The following ZNF133 variants were observed in gnomAD, a reference collection of about 807,000 sequenced individuals.
The protein encoded by ZNF133 is zinc finger protein 133 (clone pHZ-13).
ZNF133 carries 26 observed loss-of-function variants against 54.9 expected under a neutral mutation model. That is an observed-to-expected ratio of 0.47 (90% confidence interval 0.35 to 0.66). The LOEUF (loss-of-function observed/expected upper bound fraction) is 0.66. Ranked by LOEUF, ZNF133 falls within the 30% of genes least tolerant of loss-of-function variation. The pLI is 0.01. For synonymous variants in ZNF133, 298 were observed against 320.3 expected (o/e 0.93, Z 0.74); for missense variants, 653 against 820.8 (o/e 0.80, Z 2.50).
At chr20:18,304,816 TA>T (rs1448523025) in intron 3 of ZNF133, among the ~76,000 whole-genome samples, 191 bp from the exon 4 acceptor site, 1 of 152,150 alleles carries the variant, frequency 6.6e-6, no homozygotes, top group Non-Finnish European at 1.5e-5. Context: ...AGGTGGCTTT[TA>T]TTCCTCCTAG....
intron 6 of ZNF133, chr20:18,310,076 C>G: frequency 8.6e-7 from 1 of 1,157,128 alleles, no homozygotes; most frequent in South Asian, 2.6e-5. Flanking sequence ...ATTATCAAAA[C>G]ATTTATATTA....
At chr20:18,292,257 T>C (rs536727681) in intron 1 of ZNF133, among the ~76,000 whole-genome samples, 1 of 152,352 alleles carries the variant, frequency 6.6e-6, no homozygotes, top group South Asian at 2.1e-4. Context: ...AATCGAATCA[T>C]GTCATGTGTT....
intron 6 of ZNF133, among the ~76,000 whole-genome samples, chr20:18,311,947 T>C (rs1485107716): frequency 6.6e-6 from 1 of 152,254 alleles, no homozygotes; most frequent in Non-Finnish European, 1.5e-5. Flanking sequence ...AAAATCAGTA[T>C]AGGTTGACTC....
intron 6 of ZNF133, among the ~76,000 whole-genome samples, chr20:18,310,862 GAATA>G (rs1388042782): frequency 6.6e-6 from 1 of 152,140 alleles, no homozygotes; most frequent in Non-Finnish European, 1.5e-5. Flanking sequence ...TGTACACAAT[GAATA>G]TATACATTTT....
Position 18,298,445 on chromosome 20 carries a change from G to A in ZNF133, c.-197G>A. Reference sequence around the variant, plus strand: ...TCTAGTTGAAGGCCTCCAGTTCCCAGGGGGAAGGAAGCATGGAGGGTAAGT... The same window carrying A: ...TCTAGTTGAAGGCCTCCAGTTCCCAAGGGGAAGGAAGCATGGAGGGTAAGT... On this transcript the variant is annotated 5_prime_UTR_variant, in exon 3 of 7. Coordinates refer to ENST00000425686, the MANE Select transcript of ZNF133 (RefSeq NM_001352452.2). 1 of 600,370 alleles carries A rather than the reference G, an allele frequency of 1.7e-6. No homozygotes were observed. The highest frequency in any genetic ancestry group is 5.5e-5 in the South Asian group (1 of 18,094). The allele number at this position is 600,370 out of a possible 1,614,324, so 37.2% of individuals were successfully genotyped here. A position where few individuals can be genotyped will look rare whatever the true frequency, so the allele number is the denominator to read the frequency against.
chr20:18,316,615 C>T lies in ZNF133; in HGVS notation c.1764C>T (p.Leu588=), dbSNP rs1409700092. 6.2e-7 allele frequency: 1 copy of T among 1,613,912 alleles called. No homozygotes were observed. The highest frequency in any genetic ancestry group is 8.5e-7 in the Non-Finnish European group (1 of 1,179,978). The change falls in exon 7 of 7, where the codon CTC becomes CTT. Residue 588 remains leucine, a synonymous_variant. Coordinates refer to ENST00000425686, the MANE Select transcript of ZNF133 (RefSeq NM_001352452.2). ...CVCRECGQGF[L]QKSHLTLHQM... Reference sequence around the variant, plus strand: ...GCAGAGAGTGTGGCCAAGGCTTTCTCCAAAAGTCACACCTCACCTTACATC... The same window carrying T: ...GCAGAGAGTGTGGCCAAGGCTTTCTTCAAAAGTCACACCTCACCTTACATC...
intron 1 of ZNF133, among the ~76,000 whole-genome samples, chr20:18,292,988 G>C (rs926716): frequency 0.32 from 48,501 of 152,150 alleles, 8,153 homozygotes; most frequent in Non-Finnish European, 0.37. Flanking sequence ...CTTGATAATT[G>C]GTTTGATATG....
rs950669820 is a variant in ZNF133, at chr20:18,297,980, C to T, written c.-431-5C>T. On this transcript the variant is annotated splice_region_variant and splice_polypyrimidine_tract_variant and intron_variant, in intron 1 of 6. Coordinates refer to ENST00000425686, the MANE Select transcript of ZNF133 (RefSeq NM_001352452.2). ...CACCCTCCCATTTCTGTTTTCCTTA[C>T]CCAGATCTACCTTCTGAGATATCAT... The T allele has an allele frequency of 7.3e-5, 111 of 1,524,918 alleles. No homozygotes were observed. Among genetic ancestry groups the T allele is most frequent in the South Asian group, 6.0e-5 (5 of 83,816 alleles). 94.5% of individuals were successfully genotyped at this position (1,524,918 alleles called of 1,614,324 possible). A position where few individuals can be genotyped will look rare whatever the true frequency, so the allele number is the denominator to read the frequency against.
At chr20:18,298,991 G>T (rs996057521) in intron 3 of ZNF133, among the ~76,000 whole-genome samples, 8 of 152,030 alleles carry the variant, frequency 5.3e-5, no homozygotes, top group African/African-American at 1.9e-4. Context: ...AAACAAAAGG[G>T]AGACTCTAAC....
intron 1 of ZNF133, among the ~76,000 whole-genome samples, chr20:18,294,823 C>G (rs1416298239): frequency 6.6e-6 from 1 of 152,036 alleles, no homozygotes; most frequent in African/African-American, 2.4e-5. Flanking sequence ...TTTTTCTTTG[C>G]CATGGTGAAA....
chr20:18,312,217 A>G (rs2046223288), intron 6 of ZNF133, among the ~76,000 whole-genome samples: 1 of 152,208 alleles, frequency 6.6e-6, no homozygotes, highest in South Asian at 2.1e-4. Flanking sequence ...GACCTGTCAC[A>G]TGAGATCAGC....
At chr20:18,302,962 A>G (rs2043720476) in intron 3 of ZNF133, among the ~76,000 whole-genome samples, 1 of 152,188 alleles carries the variant, frequency 6.6e-6, no homozygotes, top group South Asian at 2.1e-4. Flanking sequence ...AAGGAGATGA[A>G]AGACATACAC....
chr20:18,313,339 A>G (rs2046541053), intron 6 of ZNF133: 1 of 152,254 alleles, frequency 6.6e-6, no homozygotes, highest in African/African-American at 2.4e-5. Context: ...TCTGAAATAC[A>G]TTTAGTGTAA....
At chr20:18,297,209 C>A (rs1382229806) in intron 1 of ZNF133, among the ~76,000 whole-genome samples, 3 of 151,960 alleles carry the variant, frequency 2.0e-5, no homozygotes, top group African/African-American at 7.2e-5. Flanking sequence ...CTTTTTACTT[C>A]TTATTTCACT....
intron 6 of ZNF133, among the ~76,000 whole-genome samples, chr20:18,309,968 C>A (rs775523694): frequency 1.3e-5 from 2 of 152,188 alleles, no homozygotes; most frequent in Non-Finnish European, 2.9e-5. Flanking sequence ...CCTGTGTGTT[C>A]ATTCTAGAAT....
chr20:18,308,158 A>G (rs898487001), intron 6 of ZNF133, among the ~76,000 whole-genome samples: 2 of 152,176 alleles, frequency 1.3e-5, no homozygotes, highest in Non-Finnish European at 2.9e-5. Context: ...CATTATTTTT[A>G]AATGACAGAC....
intron 6 of ZNF133, 59 bp downstream of exon 6, chr20:18,306,452 G>C: frequency 6.5e-7 from 1 of 1,538,094 alleles, no homozygotes. Context: ...AGGACTGGGG[G>C]AGAGGAGGCG....
chr20:18,315,339 T>A lies in ZNF133; in HGVS notation c.488T>A (p.Leu163Gln), dbSNP rs146742663. Residue 163 changes from leucine to glutamine, a missense_variant, in exon 7 of 7, where the codon CTG (leucine) becomes CAG (glutamine). Physicochemically the swap from Leu to Gln is moderately radical, Grantham distance 113. Around this residue, in one of 4 missense-constraint regions of ZNF133, gnomAD observed 227 missense variants for 233.9 expected, o/e 0.97. Coordinates refer to ENST00000425686, the MANE Select transcript of ZNF133 (RefSeq NM_001352452.2). The stretch of plus-strand genomic sequence containing the variant: ...TTTGGAAGAACCAAGAAAAGGACTC[T>A]GGGAGCGTTCTCCAGGCCACCCCAG... ...PLFGRTKKRT[L>Q]GAFSRPPQRQ... is the part of the protein sequence containing the mutation. 1.2e-5 allele frequency: 19 copies of A among 1,613,984 alleles called. No homozygotes were observed. The African/African-American group carries it at 2.5e-4, about 22-fold the overall frequency.
intron 3 of ZNF133, among the ~76,000 whole-genome samples, chr20:18,301,588 A>G (rs1234843460): frequency 2.0e-5 from 3 of 152,248 alleles, no homozygotes; most frequent in Non-Finnish European, 2.9e-5. Flanking sequence ...GGACATTACT[A>G]TTGTTTCTAC....
Sources: gnomAD v4.1 joint callset for allele counts (sites outside exome capture counted in the v4.1 genomes callset) on GRCh38, gnomAD v4.1.1 for gene constraint, gnomAD v4.1.1 regional missense constraint, MANE v1.5 for transcripts, NCBI Gene and HGNC (gene_info 2026-07-23, HGNC 2026-07-21) for gene names.